Variants in CA5A observed in about 807,000 individuals in gnomAD.
CA5A encodes the protein carbonic anhydrase 5A, mitochondrial.
CA5A carries 28 observed loss-of-function variants against 37.1 expected under a neutral mutation model. That is an observed-to-expected ratio of 0.75 (90% CI 0.56 to 1.03). The LOEUF (loss-of-function observed/expected upper bound fraction) is 1.03, where lower values mean the gene tolerates loss of function less well. CA5A is among the 50% of genes least tolerant of loss of function. The probability of loss-of-function intolerance (pLI) is 0.00; values close to 1 mark genes in which losing one functional copy is unlikely to be tolerated. For synonymous variants in CA5A, 171 were observed against 158.4 expected, an observed-to-expected ratio of 1.08 and a Z score of -0.60; for missense variants, 444 against 399.9, an observed-to-expected ratio of 1.11 and a Z score of -0.94.
chr16:87,921,409 G>C (rs1421392741), intron 2 of CA5A, among the ~76,000 whole-genome samples: 5 of 152,228 alleles, frequency 3.3e-5, no homozygotes, highest in Admixed American at 3.3e-4. Context: ...TCCCGTGTGG[G>C]CACTTTTTCA....
At chr16:87,914,920 C>T (rs2056111816) in intron 2 of CA5A, among the ~76,000 whole-genome samples, 1 of 152,228 alleles carries the variant, frequency 6.6e-6, no homozygotes, top group African/African-American at 2.4e-5. Context: ...CCTCGGCCTC[C>T]CGTCTTCGGA....
intron 1 of CA5A, among the ~76,000 whole-genome samples, chr16:87,928,781 T>C (rs2056353905): frequency 7.6e-6 from 1 of 131,672 alleles, no homozygotes; most frequent in African/African-American, 2.9e-5. Flanking sequence ...TTTTTTTTTT[T>C]TTTTTGAGAC....
chr16:87,929,190 G>A (rs138708427), intron 1 of CA5A, among the ~76,000 whole-genome samples: 1,548 of 151,688 alleles, frequency 0.01, 26 homozygotes, highest in African/African-American at 0.035. Context: ...GGTGGCTCAC[G>A]CCTATAATCC....
downstream of CA5A, chr16:87,885,196 C>CAA (rs1333080366): frequency 2.5e-5 from 4 of 159,186 alleles, no homozygotes; most frequent in Non-Finnish European, 4.0e-5. Flanking sequence ...AACAAAACAA[C>CAA]AACAACAACA....
At chr16:87,919,520 G>A (rs1233365419) in intron 2 of CA5A, among the ~76,000 whole-genome samples, 1 of 152,208 alleles carries the variant, frequency 6.6e-6, no homozygotes, top group African/African-American at 2.4e-5. Flanking sequence ...GAACCCCCGT[G>A]AGTGTCCCCT....
chr16:87,932,774 G>A (rs549757156), intron 1 of CA5A, among the ~76,000 whole-genome samples: 49 of 152,246 alleles, frequency 3.2e-4, no homozygotes, highest in Middle Eastern at 3.4e-3. Context: ...CCATCTCCCC[G>A]ATGCATTCTC....
Position 87,928,298 on chromosome 16 carries a change from G to A in CA5A, c.143-1353C>T, listed in dbSNP as rs111310555. 3.8e-3 allele frequency among the ~76,000 whole-genome samples: 584 copies of A among 152,118 alleles called. 6 individuals carry two copies. The highest frequency in any genetic ancestry group is 0.013 in the African/African-American group (550 of 41,520). On this transcript the variant is annotated intron_variant, in intron 1 of 6. Coordinates refer to ENST00000649794, the MANE Select transcript of CA5A (RefSeq NM_001739.2). ...CCCACCTCAGCCTCCTGAGCAGCTGGGACTGCAGGTAAACACCACCATGCC... is the reference window on the plus strand; with the variant it reads ...CCCACCTCAGCCTCCTGAGCAGCTGAGACTGCAGGTAAACACCACCATGCC...
chr16:87,899,495 G>C (rs1644260338), intron 5 of CA5A, among the ~76,000 whole-genome samples: 1 of 150,246 alleles, frequency 6.7e-6, no homozygotes, highest in South Asian at 2.1e-4. Flanking sequence ...TAGAGATGAG[G>C]TTTTATCATG....
At chr16:87,905,059 G>A (rs569936625) in intron 2 of CA5A, among the ~76,000 whole-genome samples, 155 bp from the exon 3 acceptor site, 15 of 152,132 alleles carry the variant, frequency 9.9e-5, no homozygotes, top group African/African-American at 3.6e-4. Context: ...CTCCGTGAAA[G>A]GTGGGCTCTG....
intron 1 of CA5A, among the ~76,000 whole-genome samples, chr16:87,935,873 C>CA (rs1264991532): frequency 6.7e-6 from 1 of 148,740 alleles, no homozygotes; most frequent in African/African-American, 2.5e-5. Flanking sequence ...AAAACTTCAT[C>CA]AAAAAAAGAA....
downstream of CA5A, chr16:87,884,705 GC>G (rs2055635251): frequency 6.6e-6 from 1 of 152,108 alleles, no homozygotes; most frequent in Non-Finnish European, 1.5e-5. Flanking sequence ...TTGCACTCTA[GC>G]CTGGGCAACA....
At chr16:87,928,838 G>A (rs1157605909) in intron 1 of CA5A, among the ~76,000 whole-genome samples, 4 of 136,678 alleles carry the variant, frequency 2.9e-5, no homozygotes, top group African/African-American at 5.5e-5. Flanking sequence ...GTGCCATCTC[G>A]GCTCACTGCA....
At chr16:87,912,702 C>T (rs1820938751) in intron 2 of CA5A, among the ~76,000 whole-genome samples, 1 of 152,202 alleles carries the variant, frequency 6.6e-6, no homozygotes, top group African/African-American at 2.4e-5. Context: ...GCTTTGGGGC[C>T]CTAAACTTGC....
chr16:87,908,405 AGGGGC>A (rs2143982735), intron 2 of CA5A, among the ~76,000 whole-genome samples: 1 of 152,310 alleles, frequency 6.6e-6, no homozygotes, highest in East Asian at 1.9e-4. Flanking sequence ...CACACCCTTC[AGGGGC>A]TCCGCAGCTT....
intron 5 of CA5A, among the ~76,000 whole-genome samples, chr16:87,896,985 G>A (rs2055811805): frequency 6.6e-6 from 1 of 152,324 alleles, no homozygotes; most frequent in East Asian, 1.9e-4. Context: ...TTTTATGAGC[G>A]TCAAGCCCCA....
At chr16:87,936,190 A>AG (rs1555525029) in intron 1 of CA5A, 119 bp downstream of exon 1, 2 of 650,878 alleles carry the variant, frequency 3.1e-6, no homozygotes, top group African/African-American at 3.8e-5. Flanking sequence ...AAAAAAAAAA[A>AG]CGGAGTGGAA....
intron 2 of CA5A, chr16:87,924,208 T>G: frequency 1.0e-6 from 1 of 985,426 alleles, no homozygotes; most frequent in Non-Finnish European, 1.2e-6. Flanking sequence ...TTACGTTGGC[T>G]GGAGTTGGGG....
chr16:87,894,924 G>C (rs1419085043), intron 5 of CA5A, among the ~76,000 whole-genome samples: 1 of 152,126 alleles, frequency 6.6e-6, no homozygotes, highest in East Asian at 1.9e-4. Flanking sequence ...TATTGTGATA[G>C]AATTCACATA....
intron 2 of CA5A, among the ~76,000 whole-genome samples, chr16:87,913,236 C>T (rs2056078023): frequency 6.6e-6 from 1 of 152,022 alleles, no homozygotes; most frequent in Non-Finnish European, 1.5e-5. Context: ...GCCTCGGCCT[C>T]CCAAAGTGCT....
Sources: allele counts gnomAD v4.1 joint callset (sites outside exome capture counted in the v4.1 genomes callset), GRCh38; gene constraint gnomAD v4.1.1; transcripts MANE v1.5; gene names NCBI Gene and HGNC (gene_info 2026-07-23, HGNC 2026-07-21).